PREP: variants seen among roughly 807,000 people sequenced by gnomAD.
PREP encodes the protein dJ355L5.1 (prolyl endopeptidase).
A neutral mutation model predicts 87.6 loss-of-function variants in PREP; 29 were observed. That is an observed-to-expected ratio of 0.33 (90% CI 0.25 to 0.45). The LOEUF (loss-of-function observed/expected upper bound fraction) is 0.45. PREP is among the 20% of genes least tolerant of loss of function. The pLI is 1.00. For missense variants in PREP, 695 were observed against 886.5 expected (o/e 0.78, Z 2.74); for synonymous variants, 337 against 328.6 (o/e 1.03, Z -0.28).
In PREP at chr6:105,402,693, C is replaced by A. The variant is rs370226356; in HGVS notation, c.45+154G>T. Reference sequence around the variant, plus strand: ...ACCCCAGCGCTGCAGAGGAGCCCCGCGCCCCCGGCCCAATTCTCCCAAACA... The same window carrying A: ...ACCCCAGCGCTGCAGAGGAGCCCCGAGCCCCCGGCCCAATTCTCCCAAACA... On this transcript the variant is annotated intron_variant, in intron 1 of 14. Transcript: ENST00000652536. 2.6e-4 allele frequency among the ~76,000 whole-genome samples: 40 copies of A among 152,292 alleles called. 1 individual carries two copies. In the East Asian group the frequency reaches 4.5e-3, roughly 17 times the overall value.
intron 10 of PREP, among the ~76,000 whole-genome samples, chr6:105,306,218 A>G (rs149187901): frequency 3.9e-5 from 6 of 152,326 alleles, no homozygotes; most frequent in Admixed American, 1.3e-4. Flanking sequence ...CATGTTCACG[A>G]AAGATCTAGA....
chr6:105,346,436 A>C (rs907962355), intron 7 of PREP, among the ~76,000 whole-genome samples: 4 of 152,254 alleles, frequency 2.6e-5, no homozygotes, highest in African/African-American at 9.6e-5. Flanking sequence ...TGCAGGAAAA[A>C]GCCAATTTTC....
At chr6:105,280,226 C>G (rs1196602108) in intron 14 of PREP, among the ~76,000 whole-genome samples, 1 of 152,118 alleles carries the variant, frequency 6.6e-6, no homozygotes, top group African/African-American at 2.4e-5. Flanking sequence ...CTGCTTGTAC[C>G]CAGGAGGCGA....
intron 6 of PREP, 22 bp from the exon 7 acceptor site, chr6:105,353,099 T>C (rs1772001375): frequency 1.3e-6 from 2 of 1,511,138 alleles, no homozygotes; most frequent in Admixed American, 1.7e-5. Flanking sequence ...AAAAAAATAG[T>C]GCAGGGGACT....
At chr6:105,368,619 C>T (rs540197763) in intron 6 of PREP, among the ~76,000 whole-genome samples, 1 of 152,230 alleles carries the variant, frequency 6.6e-6, no homozygotes, top group Non-Finnish European at 1.5e-5. Flanking sequence ...TTGAAAGGTT[C>T]ATGTTTTACC....
intron 2 of PREP, among the ~76,000 whole-genome samples, chr6:105,387,912 C>G (rs572951186): frequency 3.3e-5 from 5 of 152,322 alleles, no homozygotes; most frequent in Admixed American, 6.5e-5. Context: ...ATCTGTCTTA[C>G]TTATGACACC....
chr6:105,354,709 T>A (rs1772045860), intron 6 of PREP, among the ~76,000 whole-genome samples: 2 of 152,020 alleles, frequency 1.3e-5, no homozygotes, highest in South Asian at 4.1e-4. Context: ...CTTCCTTGAG[T>A]CTCCAGCCTG....
At chr6:105,297,199 G>A (rs1770428806) in intron 10 of PREP, among the ~76,000 whole-genome samples, 1 of 152,112 alleles carries the variant, frequency 6.6e-6, no homozygotes, top group Non-Finnish European at 1.5e-5. Context: ...GCACCCATGT[G>A]GTCATTTGGT....
intron 10 of PREP, chr6:105,298,794 C>G (rs1031972508): frequency 5.9e-5 from 9 of 152,776 alleles, no homozygotes; most frequent in African/African-American, 2.2e-4. Context: ...ATGCTAAGAT[C>G]ACTGTCACCG....
intron 10 of PREP, among the ~76,000 whole-genome samples, chr6:105,305,566 T>C (rs1309649988): frequency 6.6e-6 from 1 of 152,074 alleles, no homozygotes; most frequent in African/African-American, 2.4e-5. Context: ...AGGGGGGACA[T>C]GAAGGCAAAT....
Position 105,278,385 on chromosome 6 carries a change from G to A in PREP, c.1892C>T (p.Pro631Leu). 2 of 1,614,172 alleles carry A rather than the reference G, an allele frequency of 1.2e-6. No homozygotes were observed. Among genetic ancestry groups the A allele is most frequent in the Non-Finnish European group, 1.7e-6 (2 of 1,179,992 alleles). Residue 631 changes from proline to leucine, a missense_variant, in exon 15 of 15, where the codon CCG becomes CTG. Pro to Leu is a moderately conservative substitution (Grantham distance 98, BLOSUM62 -3). Transcript: ENST00000652536. The surrounding 1 kb of genome is among the most constrained non-coding windows in gnomAD (Gnocchi z 4.2). Reference sequence around the variant, plus strand: ...GTCAGCAGTGAGGAGCAGCATGGACGGGTACTGGATGTCATCTGCTTCTGG... The same window carrying A: ...GTCAGCAGTGAGGAGCAGCATGGACAGGTACTGGATGTCATCTGCTTCTGG... ...KLPEADDIQY[P>L]SMLLLTADHD...
intron 8 of PREP, among the ~76,000 whole-genome samples, chr6:105,332,712 T>A (rs1771368914): frequency 6.6e-6 from 1 of 152,198 alleles, no homozygotes; most frequent in Non-Finnish European, 1.5e-5. Context: ...TAAAGCAGCA[T>A]ATCATTTTTG....
At chr6:105,320,855 T>G (rs1338361418) in intron 10 of PREP, among the ~76,000 whole-genome samples, 1 of 152,230 alleles carries the variant, frequency 6.6e-6, no homozygotes, top group African/African-American at 2.4e-5. Flanking sequence ...ACCTTTAGGA[T>G]GCTTTCCATT....
intron 7 of PREP, among the ~76,000 whole-genome samples, chr6:105,344,615 G>A (rs916896549): frequency 2.0e-5 from 3 of 151,966 alleles, no homozygotes; most frequent in Admixed American, 6.5e-5. Flanking sequence ...TCACTCATAG[G>A]TGGGAACTGA....
intron 7 of PREP, among the ~76,000 whole-genome samples, chr6:105,352,449 G>A (rs1286768044): frequency 1.3e-5 from 2 of 152,186 alleles, no homozygotes; most frequent in African/African-American, 4.8e-5. Flanking sequence ...CCACTCTACT[G>A]ATTACGTTAA....
chr6:105,279,921 CTAAG>C (rs1554203491), intron 14 of PREP, among the ~76,000 whole-genome samples: 1 of 152,168 alleles, frequency 6.6e-6, no homozygotes, highest in Admixed American at 6.5e-5. Flanking sequence ...CAAATTTTCT[CTAAG>C]TTAGATATTC....
intron 14 of PREP, 48 bp downstream of exon 14, chr6:105,281,698 A>G (rs1406193331): frequency 1.3e-6 from 2 of 1,587,368 alleles, no homozygotes; most frequent in Admixed American, 3.5e-5. Flanking sequence ...ACTGTGTTCA[A>G]CTTTATATCA....
chr6:105,294,056 A>G lies in PREP; in HGVS notation c.1318-5162T>C, dbSNP rs530421061. On this transcript the variant is annotated intron_variant, in intron 10 of 14. Transcript: ENST00000652536. ...ATTGTCCTGAATTTGCTGGGTCAGG[A>G]GAAGAAGCTAACAAACTCCTTGCTT... Among the ~76,000 whole-genome samples the G allele has an allele frequency of 8.1e-4, 124 of 152,262 alleles. 1 individual carries two copies. In the South Asian group the frequency reaches 0.025, roughly 31 times the overall value.
At chr6:105,377,345 A>G (rs1325223059) in intron 3 of PREP, 41 bp downstream of exon 3, 2 of 1,561,720 alleles carry the variant, frequency 1.3e-6, no homozygotes, top group Admixed American at 2.0e-5. Context: ...GAAAGCATTT[A>G]CTTTGAAAAT....
Sources: allele counts gnomAD v4.1 joint callset (sites outside exome capture counted in the v4.1 genomes callset), GRCh38; gene constraint gnomAD v4.1.1; non-coding constraint Gnocchi (gnomAD v3.1); transcripts MANE v1.5; gene names NCBI Gene and HGNC (gene_info 2026-07-23, HGNC 2026-07-21).